The following SPC25 variants were observed in gnomAD, a reference collection of about 807,000 sequenced individuals.
SPC25 encodes kinetochore protein Spc25.
In SPC25, 22 loss-of-function variants were observed where a neutral mutation model predicts 29.6. The observed-to-expected ratio is 0.74, with a 90% confidence interval of 0.53 to 1.06. SPC25 has a LOEUF of 1.06. SPC25 is among the 50% of genes least tolerant of loss of function. The probability of loss-of-function intolerance (pLI) is 0.00; values close to 1 mark genes in which losing one functional copy is unlikely to be tolerated. For synonymous variants in SPC25, 91 were observed against 90.4 expected (o/e 1.01, Z -0.04); for missense variants, 230 against 255.8 (o/e 0.90, Z 0.69).
At chr2:168,881,688 G>A (rs967068561) in intron 3 of SPC25, among the ~76,000 whole-genome samples, 5 of 152,184 alleles carry the variant, frequency 3.3e-5, no homozygotes, top group Non-Finnish European at 5.9e-5. Flanking sequence ...ATTAATGCCA[G>A]TAGTCTAGAA....
rs1574360509 is a variant in SPC25 at position 168,876,138 on chromosome 2, T to C, written c.385A>G (p.Lys129Glu). 1.3e-6 allele frequency: 2 copies of C among 1,571,402 alleles called. No homozygotes were observed. The highest frequency in any genetic ancestry group is 8.6e-7 in the Non-Finnish European group (1 of 1,166,302). ...AAGTCTGCAGATTTCTGCAGCCTTT[T>C]CAACCTCTCTGCATTCGCTTTATTA... ...TANKANAERLKRLQKSADLYK... is the reference protein window; with the variant it reads ...TANKANAERLERLQKSADLYK... The change falls in exon 5 of 7, where the codon AAA becomes GAA. Residue 129 changes from lysine to glutamate, a missense_variant. Physicochemically the swap from Lys to Glu is moderately conservative, Grantham distance 56. Coordinates refer to ENST00000282074, the MANE Select transcript of SPC25 (RefSeq NM_020675.4).
intron 4 of SPC25, among the ~76,000 whole-genome samples, chr2:168,862,690 G>A (rs920187015): frequency 6.6e-6 from 1 of 152,184 alleles, no homozygotes; most frequent in Non-Finnish European, 1.5e-5. Context: ...ACATGGAAAG[G>A]TATTACGTAG....
chr2:168,865,427 A>G (rs562663510), intron 4 of SPC25: 32 of 155,090 alleles, frequency 2.1e-4, no homozygotes, highest in Non-Finnish European at 3.6e-4. Flanking sequence ...ATCAATTCCA[A>G]GAAGAGAGAC....
intron 4 of SPC25, chr2:168,863,735 G>T (rs1437208399): frequency 1.2e-6 from 1 of 845,498 alleles, no homozygotes. Flanking sequence ...TTGATCTTAA[G>T]AAAAGACTGT....
chr2:168,864,439 C>A (rs1308217299), intron 4 of SPC25, among the ~76,000 whole-genome samples: 1 of 151,996 alleles, frequency 6.6e-6, no homozygotes, highest in Non-Finnish European at 1.5e-5. Flanking sequence ...GCGTGCGCCA[C>A]CACACCCAGC....
At chr2:168,870,666 C>T (rs1462538539), downstream of SPC25, among the ~76,000 whole-genome samples, 838 of 151,546 alleles carry the variant, frequency 5.5e-3, 32 homozygotes, top group Non-Finnish European at 1.0e-3. Flanking sequence ...GATACCATCT[C>T]ACACCAGTTA....
At chr2:168,877,533 A>G (rs1256716568) in intron 3 of SPC25, 149 bp from the exon 4 acceptor site, 5 of 902,266 alleles carry the variant, frequency 5.5e-6, no homozygotes, top group Non-Finnish European at 6.5e-6. Context: ...TATAAAAGAC[A>G]AAAAAGAAAA....
chr2:168,871,178 A>C lies in SPC25; in HGVS notation c.*253T>G. 5.1e-6 allele frequency: 1 copy of C among 196,988 alleles called. No individual in the cohort carries two copies. Among genetic ancestry groups the C allele is most frequent in the Non-Finnish European group, 9.8e-6 (1 of 101,636 alleles). 12.2% of individuals were successfully genotyped at this position (196,988 alleles called of 1,614,324 possible). On this transcript the variant is annotated 3_prime_UTR_variant, in exon 7 of 7. Coordinates refer to ENST00000282074, the MANE Select transcript of SPC25 (RefSeq NM_020675.4). ...ACAATGAGAACACATGGACACAGGA[A>C]GGGGAACATCACACAACGGGGACTG...
At chr2:168,876,441 A>G (rs1464617047) in intron 4 of SPC25, among the ~76,000 whole-genome samples, 1 of 152,100 alleles carries the variant, frequency 6.6e-6, no homozygotes, top group Non-Finnish European at 1.5e-5. Flanking sequence ...ATAAGTAAAT[A>G]GGCCAGGGAT....
chr2:168,870,725 G>A (rs1689963350), downstream of SPC25, among the ~76,000 whole-genome samples: 2 of 151,470 alleles, frequency 1.3e-5, no homozygotes, highest in African/African-American at 4.9e-5. Context: ...TGGAGAGGAT[G>A]TGGAGAAATA....
downstream of SPC25, among the ~76,000 whole-genome samples, chr2:168,868,769 C>T (rs1266355059): frequency 6.6e-6 from 1 of 152,160 alleles, no homozygotes; most frequent in East Asian, 1.9e-4. Context: ...CTGAATTCTA[C>T]CAGAGGTACA....
chr2:168,863,684 C>T, intron 4 of SPC25: 1 of 983,074 alleles, frequency 1.0e-6, no homozygotes, highest in Non-Finnish European at 1.2e-6. Flanking sequence ...GTGAGTTAAA[C>T]TTTTGGCCTG....
intron 4 of SPC25, among the ~76,000 whole-genome samples, 164 bp from the exon 5 acceptor site, chr2:168,876,340 T>A (rs562469576): frequency 6.0e-4 from 91 of 152,234 alleles, no homozygotes; most frequent in Non-Finnish European, 1.0e-3. Flanking sequence ...AAGAAGCTTC[T>A]GTTCATTCAA....
At chr2:168,882,722 T>C (rs1690198076) in intron 3 of SPC25, among the ~76,000 whole-genome samples, 1 of 152,126 alleles carries the variant, frequency 6.6e-6, no homozygotes, top group Admixed American at 6.5e-5. Context: ...ACCATTTTAA[T>C]CTCAAGAGGA....
At position 168,871,395 on chromosome 2, in the gene SPC25, GA is replaced by G. The variant is rs1171266617; in HGVS notation, c.*35del. On this transcript the variant is annotated 3_prime_UTR_variant, in exon 7 of 7. Coordinates refer to ENST00000282074, the MANE Select transcript of SPC25 (RefSeq NM_020675.4). ...AAAAAAAGAGATATGTAATAGAGAAGAAAAATAAACCGTTTTTATATACACT... is the reference window on the plus strand; with the variant it reads ...AAAAAAAGAGATATGTAATAGAGAAGAAAATAAACCGTTTTTATATACACT... The G allele has an allele frequency of 6.5e-7, 1 of 1,547,842 alleles. No individual in the cohort carries two copies. Among genetic ancestry groups the G allele is most frequent in the Non-Finnish European group, 8.7e-7 (1 of 1,152,166 alleles).
downstream of SPC25, among the ~76,000 whole-genome samples, chr2:168,866,780 G>GAAA (rs1553537697): frequency 5.9e-5 from 2 of 34,024 alleles, no homozygotes; most frequent in African/African-American, 6.7e-4. Context: ...AAATTTACAA[G>GAAA]AAAAAAACAA....
At chr2:168,878,682 C>A (rs511778) in intron 3 of SPC25, among the ~76,000 whole-genome samples, 125,034 of 152,182 alleles carry the variant, frequency 0.82, 51,401 homozygotes, top group East Asian at 0.91. Context: ...GGTACTACAC[C>A]CCAAAAAAAT....
intron 4 of SPC25, chr2:168,863,761 A>G: frequency 1.7e-6 from 1 of 601,610 alleles, no homozygotes; most frequent in South Asian, 7.5e-5. Context: ...AGACATACTT[A>G]TAGCAGCCAA....
intron 3 of SPC25, among the ~76,000 whole-genome samples, chr2:168,882,576 T>G (rs564079516): frequency 5.9e-4 from 90 of 152,226 alleles, no homozygotes; most frequent in African/African-American, 2.1e-3. Context: ...CACTCCAGCC[T>G]GGTGACAGGG....
Sources: allele counts gnomAD v4.1 joint callset (sites outside exome capture counted in the v4.1 genomes callset), GRCh38; gene constraint gnomAD v4.1.1; transcripts MANE v1.5; gene names NCBI Gene and HGNC (gene_info 2026-07-23, HGNC 2026-07-21).